RAB6B: variants seen among roughly 807,000 people sequenced by gnomAD.
RAB6B encodes RAB6B, member RAS oncogene family.
Under a neutral mutation model 31.2 loss-of-function variants are expected in RAB6B, and 7 were observed. The observed-to-expected ratio is 0.22, with a 90% CI of 0.13 to 0.42. The LOEUF (loss-of-function observed/expected upper bound fraction) is 0.42, where lower values mean the gene tolerates loss of function less well. RAB6B is among the 10% of genes least tolerant of loss of function. The pLI, the probability that RAB6B is intolerant of heterozygous loss-of-function variation, is 1.00. For synonymous variants in RAB6B, 105 were observed against 104.9 expected, an observed-to-expected ratio of 1.00 and a Z score of -0.01; for missense variants, 149 against 280.6, an observed-to-expected ratio of 0.53 and a Z score of 3.35.
At chr3:133,839,942 G>A (rs1935796551) in intron 4 of RAB6B, among the ~76,000 whole-genome samples, 1 of 152,102 alleles carries the variant, frequency 6.6e-6, no homozygotes, top group Non-Finnish European at 1.5e-5. Flanking sequence ...CTGACTCTGG[G>A]GATTCAGAGT....
Position 133,827,320 on chromosome 3 carries a change from TGG to T in RAB6B, c.*1466_*1467del, listed in dbSNP as rs1935580547. ...GGAGAGCCAATGACAGCAGGGAGGG[TGG>T]GGTTTACATTTTGGCCAGACTCACT... On this transcript the variant is annotated 3_prime_UTR_variant, in exon 8 of 8. Transcript: ENST00000285208. 6.6e-6 allele frequency: 1 copy of T among 150,830 alleles called. No individual in the cohort carries two copies. The highest frequency in any genetic ancestry group is 2.4e-5 in the African/African-American group (1 of 40,896). The allele number at this position is 150,830 out of a possible 1,614,324, so 9.3% of individuals were successfully genotyped here. A position where few individuals can be genotyped will look rare whatever the true frequency, so the allele number is the denominator to read the frequency against.
At position 133,895,597 on chromosome 3, in the gene RAB6B, C is replaced by G. The variant is rs998774782; in HGVS notation, c.-131G>C. 96 of 847,266 alleles carry G rather than the reference C, an allele frequency of 1.1e-4. No homozygotes were observed. The highest frequency in any genetic ancestry group is 1.6e-4 in the Non-Finnish European group (86 of 534,620). The allele number at this position is 847,266 out of a possible 1,614,324, so 52.5% of individuals were successfully genotyped here. ...GGGGGAAGGGCTGGCTGCGCGCGTC[C>G]CTGACTCCCCAGCTGCGTCCCGGTC... On this transcript the variant is annotated 5_prime_UTR_variant, in exon 1 of 8. Transcript: ENST00000285208.
chr3:133,860,939 C>T (rs73217250), intron 2 of RAB6B, among the ~76,000 whole-genome samples: 3,341 of 152,320 alleles, frequency 0.022, 56 homozygotes, highest in Non-Finnish European at 0.034. Context: ...CCGTGAATCT[C>T]GCAAAAGGTG....
At chr3:133,857,847 C>T (rs1357793527) in intron 2 of RAB6B, among the ~76,000 whole-genome samples, 1 of 152,186 alleles carries the variant, frequency 6.6e-6, no homozygotes, top group Non-Finnish European at 1.5e-5. Flanking sequence ...CTATGTAACC[C>T]ACAGACACAC....
chr3:133,870,556 C>A (rs983309521), intron 1 of RAB6B, among the ~76,000 whole-genome samples: 1 of 152,078 alleles, frequency 6.6e-6, no homozygotes, highest in Non-Finnish European at 1.5e-5. Context: ...CAGAGAGGAG[C>A]CCAGAACTCC....
intron 1 of RAB6B, among the ~76,000 whole-genome samples, chr3:133,881,068 C>G (rs533672422): frequency 4.6e-5 from 7 of 152,304 alleles, no homozygotes; most frequent in Admixed American, 4.6e-4. Context: ...TTAGGGTCAA[C>G]AAAGGGCCAG....
chr3:133,868,999 T>A (rs1936279964), intron 1 of RAB6B, among the ~76,000 whole-genome samples: 5 of 151,966 alleles, frequency 3.3e-5, no homozygotes, highest in Non-Finnish European at 7.4e-5. Context: ...TATGTAAAGG[T>A]CTGACAGTAG....
intron 1 of RAB6B, among the ~76,000 whole-genome samples, chr3:133,889,001 G>A (rs939710012): frequency 4.6e-5 from 7 of 152,110 alleles, no homozygotes; most frequent in Non-Finnish European, 8.8e-5. Flanking sequence ...TCTTCCCTGT[G>A]GTGAGAAATG....
At chr3:133,889,680 C>T (rs1576412314) in intron 1 of RAB6B, among the ~76,000 whole-genome samples, 1 of 151,850 alleles carries the variant, frequency 6.6e-6, no homozygotes, top group Non-Finnish European at 1.5e-5. Context: ...AAGTGATCTA[C>T]CCACCTTGCC....
At chr3:133,838,309 T>C (rs1935772283) in intron 5 of RAB6B, 50 bp from the exon 6 acceptor site, 1 of 1,551,002 alleles carries the variant, frequency 6.4e-7, no homozygotes, top group Non-Finnish European at 8.9e-7. Context: ...AAGCAGACCC[T>C]GGCAGATATG....
chr3:133,880,022 A>G (rs773840539), intron 1 of RAB6B, among the ~76,000 whole-genome samples: 2 of 152,224 alleles, frequency 1.3e-5, no homozygotes, highest in African/African-American at 2.4e-5. Context: ...ACACAGGCCA[A>G]TCCTGCCTGT....
At position 133,864,755 on chromosome 3, in the gene RAB6B, G is replaced by C. The variant is rs1404962314; in HGVS notation, c.71-113C>G. ...AACCAAAAAGCACAGGGGAAAGGCC[G>C]AGTTGCAGAAATACAGAAGTGGGAG... On this transcript the variant is annotated intron_variant, in intron 1 of 7. Coordinates refer to ENST00000285208, the MANE Select transcript of RAB6B (RefSeq NM_016577.4). 6.7e-6 allele frequency: 7 copies of C among 1,050,158 alleles called. No individual in the cohort carries two copies. In the East Asian group the frequency reaches 1.7e-4, roughly 25 times the overall value. The allele number at this position is 1,050,158 out of a possible 1,614,324, so 65.1% of individuals were successfully genotyped here. A position where few individuals can be genotyped will look rare whatever the true frequency, so the allele number is the denominator to read the frequency against.
At chr3:133,856,629 G>A (rs1936081603) in intron 2 of RAB6B, among the ~76,000 whole-genome samples, 1 of 152,180 alleles carries the variant, frequency 6.6e-6, no homozygotes, top group South Asian at 2.1e-4. Context: ...CCCACCAGTA[G>A]CTCCTGATAC....
At chr3:133,876,288 G>T (rs778208754) in intron 1 of RAB6B, among the ~76,000 whole-genome samples, 20 of 152,148 alleles carry the variant, frequency 1.3e-4, no homozygotes, top group African/African-American at 4.8e-4. Flanking sequence ...ATTGGCACCT[G>T]CCAGAACACA....
chr3:133,845,499 GACTCCTGA>G (rs1935897120), intron 2 of RAB6B, among the ~76,000 whole-genome samples: 2 of 152,214 alleles, frequency 1.3e-5, no homozygotes, highest in Admixed American at 1.3e-4. Flanking sequence ...GGAAATCCCA[GACTCCTGA>G]ACTGTGAGCA....
chr3:133,834,381 T>C (rs1273598534), intron 7 of RAB6B, among the ~76,000 whole-genome samples, 194 bp downstream of exon 7: 1 of 152,154 alleles, frequency 6.6e-6, no homozygotes, highest in Non-Finnish European at 1.5e-5. Flanking sequence ...AAGAAGTAGA[T>C]GGTTAGAGCC....
chr3:133,871,806 C>T (rs1394461655), intron 1 of RAB6B, among the ~76,000 whole-genome samples: 2 of 152,224 alleles, frequency 1.3e-5, no homozygotes, highest in Admixed American at 6.5e-5. Flanking sequence ...GCTAGCCCCT[C>T]ACAGAGCCAA....
At chr3:133,883,104 C>G (rs1300577459) in intron 1 of RAB6B, among the ~76,000 whole-genome samples, 7 of 152,188 alleles carry the variant, frequency 4.6e-5, no homozygotes, top group Non-Finnish European at 7.3e-5. Context: ...ATCACTAGTG[C>G]CAAGACCTGA....
intron 1 of RAB6B, among the ~76,000 whole-genome samples, chr3:133,877,125 G>A (rs9844944): frequency 0.15 from 23,497 of 152,156 alleles, 2,206 homozygotes; most frequent in Non-Finnish European, 0.19. Flanking sequence ...AGCACAGGGA[G>A]TGGGGACCCA....
Sources: allele counts gnomAD v4.1 joint callset (sites outside exome capture counted in the v4.1 genomes callset), GRCh38; gene constraint gnomAD v4.1.1; transcripts MANE v1.5; gene names NCBI Gene and HGNC (gene_info 2026-07-23, HGNC 2026-07-21).